MIPOL1: variants seen among roughly 807,000 people sequenced by gnomAD.
The protein encoded by MIPOL1 is mirror-image polydactyly 1.
A neutral mutation model predicts 60.9 loss-of-function variants in MIPOL1; 57 were observed. The ratio of observed to expected loss-of-function variants is 0.94; its 90% CI spans 0.76 to 1.17. The LOEUF is 1.17. MIPOL1 is among the 50% of genes most tolerant of loss of function. The pLI is 0.00. For missense variants in MIPOL1, 551 were observed against 511.6 expected, an observed-to-expected ratio of 1.08 and a Z score of -0.74; for synonymous variants, 179 against 168.8, an observed-to-expected ratio of 1.06 and a Z score of -0.47.
rs770248896 is a variant in MIPOL1 at position 37,499,996 on chromosome 14, G to C, written c.1120G>C (p.Glu374Gln). 17 of 1,612,788 alleles carry C rather than the reference G, an allele frequency of 1.1e-5. No homozygotes were observed. Among genetic ancestry groups the C allele is most frequent in the Non-Finnish European group, 1.4e-5 (16 of 1,178,904 alleles). Residue 374 changes from glutamate to glutamine, a missense_variant, in exon 12 of 13, where the codon GAG (glutamate) becomes CAG (glutamine). Physicochemically the swap from Glu to Gln is conservative, Grantham distance 29 (BLOSUM62 2). Coordinates refer to ENST00000684589, the MANE Select transcript of MIPOL1 (RefSeq NM_001388067.1). ...ATATGAAGAAGCTTTAAAAAACAGAGAGAACATTGTTTCCATCACTCAACA... is the reference window on the plus strand; with the variant it reads ...ATATGAAGAAGCTTTAAAAAACAGACAGAACATTGTTTCCATCACTCAACA... ...STYEEALKNRENIVSITQQQN... is the reference protein window; with the variant it reads ...STYEEALKNRQNIVSITQQQN...
At chr14:37,392,567 A>G (rs1348354728) in intron 10 of MIPOL1, among the ~76,000 whole-genome samples, 1 of 152,180 alleles carries the variant, frequency 6.6e-6, no homozygotes, top group East Asian at 1.9e-4. Context: ...ATATTAAATA[A>G]TAGTGATGAG....
intron 11 of MIPOL1, among the ~76,000 whole-genome samples, chr14:37,447,452 T>A (rs1320280317): frequency 6.6e-6 from 1 of 152,182 alleles, no homozygotes; most frequent in Non-Finnish European, 1.5e-5. Flanking sequence ...CAAACTTTTA[T>A]GTTTTATCTT....
At chr14:37,208,268 A>T (rs1215346862) in intron 1 of MIPOL1, among the ~76,000 whole-genome samples, 1 of 152,186 alleles carries the variant, frequency 6.6e-6, no homozygotes, top group Non-Finnish European at 1.5e-5. Flanking sequence ...CTGCTTGAGT[A>T]CAAGAAGAAT....
At chr14:37,251,265 A>G (rs1974048088) in intron 3 of MIPOL1, among the ~76,000 whole-genome samples, 1 of 151,906 alleles carries the variant, frequency 6.6e-6, no homozygotes, top group Admixed American at 6.6e-5. Context: ...GGGGGGTCTC[A>G]CTATGTTGTC....
chr14:37,546,016 T>C (rs563083535), intron 12 of MIPOL1: 1 of 190,886 alleles, frequency 5.2e-6, no homozygotes, highest in Non-Finnish European at 1.1e-5. Context: ...TTGGTTGAGG[T>C]TTTATGCTTT....
chr14:37,433,963 T>G (rs988664977), intron 11 of MIPOL1, among the ~76,000 whole-genome samples: 2 of 152,220 alleles, frequency 1.3e-5, no homozygotes, highest in African/African-American at 2.4e-5. Context: ...TCCAAGTGTT[T>G]CCTATTGTGA....
chr14:37,310,773 A>G (rs969780863), intron 9 of MIPOL1, among the ~76,000 whole-genome samples: 2 of 151,998 alleles, frequency 1.3e-5, no homozygotes, highest in African/African-American at 4.8e-5. Flanking sequence ...AGAGCTGAGT[A>G]TTTGCAAGGG....
At chr14:37,493,852 G>T (rs949974873) in intron 11 of MIPOL1, among the ~76,000 whole-genome samples, 11 of 152,054 alleles carry the variant, frequency 7.2e-5, no homozygotes, top group African/African-American at 2.7e-4. Context: ...TGACTCTTTG[G>T]CTGTTATTTC....
At chr14:37,440,919 A>G (rs2094234070) in intron 11 of MIPOL1, among the ~76,000 whole-genome samples, 1 of 152,040 alleles carries the variant, frequency 6.6e-6, no homozygotes, top group South Asian at 2.1e-4. Flanking sequence ...ATTCACCAAC[A>G]TGTTATTTTC....
chr14:37,358,094 G>A (rs1035930906), intron 9 of MIPOL1, among the ~76,000 whole-genome samples: 6 of 151,884 alleles, frequency 4.0e-5, no homozygotes, highest in African/African-American at 1.5e-4. Flanking sequence ...GCAGTGTTTG[G>A]TTTCCTGTCC....
At chr14:37,293,744 G>A (rs2085326610) in intron 7 of MIPOL1, among the ~76,000 whole-genome samples, 1 of 152,164 alleles carries the variant, frequency 6.6e-6, no homozygotes, top group African/African-American at 2.4e-5. Flanking sequence ...ACTGCAAGGT[G>A]GCAGCGAGGC....
At chr14:37,406,395 A>G (rs764518695) in intron 10 of MIPOL1, among the ~76,000 whole-genome samples, 18 of 152,178 alleles carry the variant, frequency 1.2e-4, no homozygotes, top group Non-Finnish European at 1.9e-4. Context: ...ACGATCCTGA[A>G]CAAATAAACA....
chr14:37,337,327 CATATATATATATATAT>C lies in MIPOL1; in HGVS notation c.828+28823_828+28838del, dbSNP rs545154376. On this transcript the variant is annotated intron_variant, in intron 9 of 12. Transcript: ENST00000684589. ...CCTTTGCTTATTGTTCATTTGTAAA[CATATATATATATATAT>C]ATATATATATATATTTTTTTTTTTT... 1.4e-3 allele frequency among the ~76,000 whole-genome samples: 42 copies of C among 30,914 alleles called. 1 individual carries two copies. Among genetic ancestry groups the C allele is most frequent in the African/African-American group, 6.2e-3 (38 of 6,102 alleles). 20.3% of individuals were successfully genotyped at this position (30,914 alleles called of 152,430 possible).
intron 1 of MIPOL1, among the ~76,000 whole-genome samples, chr14:37,238,638 A>T (rs1227400117): frequency 6.6e-6 from 1 of 152,130 alleles, no homozygotes; most frequent in Non-Finnish European, 1.5e-5. Flanking sequence ...CATCATAGAG[A>T]TGAAACTTTC....
chr14:37,258,762 A>G (rs1419516296), intron 3 of MIPOL1, among the ~76,000 whole-genome samples: 6 of 152,138 alleles, frequency 3.9e-5, no homozygotes, highest in Non-Finnish European at 5.9e-5. Flanking sequence ...CGTACTTTAA[A>G]TAGTTCATAC....
intron 1 of MIPOL1, among the ~76,000 whole-genome samples, chr14:37,206,208 C>G (rs1966065507): frequency 6.6e-6 from 1 of 152,102 alleles, no homozygotes; most frequent in Non-Finnish European, 1.5e-5. Flanking sequence ...AGCTTAGGGT[C>G]CCCATGCTAT....
rs114860997 is a variant in MIPOL1 at position 37,427,421 on chromosome 14, C to T, written c.1031+4472C>T. Reference sequence around the variant, plus strand: ...TACCCGGAGTTGGAGAAGGGGAATACGGAGTTATAAGAGTGGGGAATTATA... The same window carrying T: ...TACCCGGAGTTGGAGAAGGGGAATATGGAGTTATAAGAGTGGGGAATTATA... On this transcript the variant is annotated intron_variant, in intron 11 of 12. Transcript: ENST00000684589. Among the ~76,000 whole-genome samples the T allele has an allele frequency of 4.7e-3, 714 of 152,010 alleles. 4 individuals are homozygous for T. Among genetic ancestry groups the T allele is most frequent in the African/African-American group, 0.015 (634 of 41,450 alleles).
chr14:37,207,625 A>T (rs1966296695), intron 1 of MIPOL1, among the ~76,000 whole-genome samples: 1 of 152,080 alleles, frequency 6.6e-6, no homozygotes, highest in African/African-American at 2.4e-5. Context: ...GGCTCACTGC[A>T]ACCTCTGCCT....
At chr14:37,385,030 T>C (rs1804484299) in intron 10 of MIPOL1, among the ~76,000 whole-genome samples, 1 of 152,044 alleles carries the variant, frequency 6.6e-6, no homozygotes, top group African/African-American at 2.4e-5. Context: ...CAGTTAAAGC[T>C]CTGCATTTTT....
Sources: allele counts gnomAD v4.1 joint callset (sites outside exome capture counted in the v4.1 genomes callset), GRCh38; gene constraint gnomAD v4.1.1; transcripts MANE v1.5; gene names NCBI Gene and HGNC (gene_info 2026-07-23, HGNC 2026-07-21).